The following SKAP2 variants were observed in gnomAD, a reference collection of about 807,000 sequenced individuals.
SKAP2 encodes the protein src kinase-associated phosphoprotein 2.
A neutral mutation model predicts 54.9 loss-of-function variants in SKAP2; 28 were observed. The ratio of observed to expected loss-of-function variants is 0.51; its 90% CI spans 0.38 to 0.70. The LOEUF is 0.70. Among genes scored for constraint, SKAP2 ranks in the 30% least tolerant of loss-of-function variants. The probability of loss-of-function intolerance (pLI) is 0.00; values close to 1 mark genes in which losing one functional copy is unlikely to be tolerated. For synonymous variants in SKAP2, 137 were observed against 134.3 expected, an observed-to-expected ratio of 1.02 and a Z score of -0.14; for missense variants, 356 against 424.1, an observed-to-expected ratio of 0.84 and a Z score of 1.41.
chr7:26,851,255 C>CA (rs35007326), intron 3 of SKAP2, among the ~76,000 whole-genome samples: 10,655 of 99,224 alleles, frequency 0.11, 514 homozygotes, highest in Middle Eastern at 0.22. Flanking sequence ...CCGTTTTTAC[C>CA]AAAAAAAAAA....
At chr7:26,792,694 G>A (rs1317025503) in intron 4 of SKAP2, among the ~76,000 whole-genome samples, 3 of 152,086 alleles carry the variant, frequency 2.0e-5, no homozygotes, top group Non-Finnish European at 4.4e-5. Flanking sequence ...AAGAGTGAGT[G>A]AGCTGTTCCA....
chr7:26,764,902 A>C (rs10276636), intron 4 of SKAP2, among the ~76,000 whole-genome samples: 57,988 of 152,076 alleles, frequency 0.38, 11,639 homozygotes, highest in Middle Eastern at 0.48. Context: ...TGGGTTGGTT[A>C]CAGCTCTTCC....
intron 4 of SKAP2, among the ~76,000 whole-genome samples, chr7:26,803,516 G>A (rs887253773): frequency 1.3e-5 from 2 of 152,188 alleles, no homozygotes; most frequent in Admixed American, 6.5e-5. Flanking sequence ...TATGCTATTG[G>A]TGGGAATGTA....
chr7:26,842,192 T>C (rs1038531369), intron 4 of SKAP2, among the ~76,000 whole-genome samples: 3 of 151,694 alleles, frequency 2.0e-5, no homozygotes, highest in Admixed American at 2.0e-4. Flanking sequence ...ATACTACAGG[T>C]AAAAGTTTTA....
At chr7:26,691,376 T>C (rs1786775936) in intron 9 of SKAP2, among the ~76,000 whole-genome samples, 1 of 152,160 alleles carries the variant, frequency 6.6e-6, no homozygotes, top group South Asian at 2.1e-4. Context: ...AGGCAGGACA[T>C]ATAAACAAAT....
intron 11 of SKAP2, among the ~76,000 whole-genome samples, chr7:26,682,388 C>T (rs1786522700): frequency 6.6e-6 from 1 of 152,048 alleles, no homozygotes; most frequent in South Asian, 2.1e-4. Context: ...CATCAATAGC[C>T]CAGAATATGT....
At chr7:26,687,970 A>G (rs1786685238) in intron 10 of SKAP2, among the ~76,000 whole-genome samples, 1 of 152,164 alleles carries the variant, frequency 6.6e-6, no homozygotes, top group Non-Finnish European at 1.5e-5. Flanking sequence ...TGTCCTGAGA[A>G]GCATGAATGA....
intron 4 of SKAP2, among the ~76,000 whole-genome samples, chr7:26,824,840 A>C (rs189148946): frequency 4.2e-4 from 64 of 152,284 alleles, no homozygotes; most frequent in African/African-American, 1.5e-3. Context: ...CCAACCCCTG[A>C]TCTAGACTGT....
chr7:26,862,746 T>C (rs1017368176), intron 1 of SKAP2, among the ~76,000 whole-genome samples: 12 of 152,110 alleles, frequency 7.9e-5, no homozygotes, highest in Admixed American at 7.2e-4. Context: ...TTATCTGTGA[T>C]TTATGATTAT....
chr7:26,755,931 C>T (rs1253269252), intron 4 of SKAP2, among the ~76,000 whole-genome samples: 1 of 152,086 alleles, frequency 6.6e-6, no homozygotes, highest in Non-Finnish European at 1.5e-5. Context: ...AGAATCTACC[C>T]TACAAATTAA....
At chr7:26,699,208 G>T (rs973136438) in intron 9 of SKAP2, among the ~76,000 whole-genome samples, 7 of 152,108 alleles carry the variant, frequency 4.6e-5, no homozygotes, top group African/African-American at 1.4e-4. Flanking sequence ...TATCAAAAAA[G>T]AATACCTACA....
chr7:26,701,928 T>C (rs1050314550), intron 9 of SKAP2, among the ~76,000 whole-genome samples: 5 of 152,130 alleles, frequency 3.3e-5, no homozygotes, highest in Non-Finnish European at 4.4e-5. Flanking sequence ...TTGCTTATTC[T>C]TTCCCTGAAT....
intron 4 of SKAP2, among the ~76,000 whole-genome samples, chr7:26,761,302 A>G (rs1287891170): frequency 6.6e-6 from 1 of 152,232 alleles, no homozygotes; most frequent in Non-Finnish European, 1.5e-5. Flanking sequence ...TTATTTAGGA[A>G]TAATAAATCT....
At chr7:26,817,966 T>C (rs568135011) in intron 4 of SKAP2, among the ~76,000 whole-genome samples, 2 of 152,274 alleles carry the variant, frequency 1.3e-5, no homozygotes, top group East Asian at 3.9e-4. Flanking sequence ...AAACATTCCA[T>C]GCTCATGGAT....
intron 11 of SKAP2, among the ~76,000 whole-genome samples, chr7:26,671,995 G>C (rs1413793311): frequency 6.6e-6 from 1 of 151,964 alleles, no homozygotes; most frequent in East Asian, 1.9e-4. Context: ...AATTAACAGG[G>C]TAGGTCTGAG....
intron 4 of SKAP2, among the ~76,000 whole-genome samples, chr7:26,796,543 A>T (rs1783783719): frequency 6.6e-6 from 1 of 152,238 alleles, no homozygotes; most frequent in Non-Finnish European, 1.5e-5. Context: ...AATTCATGAC[A>T]TTACAAGGAA....
At chr7:26,756,225 C>T (rs572170112) in intron 4 of SKAP2, among the ~76,000 whole-genome samples, 5 of 152,254 alleles carry the variant, frequency 3.3e-5, no homozygotes, top group South Asian at 2.1e-4. Context: ...AGGTGCACAA[C>T]GTGCAGGTTT....
At chr7:26,851,065 C>A (rs939374905) in intron 3 of SKAP2, among the ~76,000 whole-genome samples, 45 of 151,996 alleles carry the variant, frequency 3.0e-4, no homozygotes, top group African/African-American at 1.0e-3. Context: ...CCAAAAAAAT[C>A]TCCTAAGATC....
At chr7:26,805,427 G>C (rs557046469) in intron 4 of SKAP2, among the ~76,000 whole-genome samples, 1 of 152,068 alleles carries the variant, frequency 6.6e-6, no homozygotes, top group Non-Finnish European at 1.5e-5. Flanking sequence ...CTTGAATGGG[G>C]GTCAACTTCA....
Sources: allele counts gnomAD v4.1 joint callset (sites outside exome capture counted in the v4.1 genomes callset), GRCh38; gene constraint gnomAD v4.1.1; transcripts MANE v1.5; gene names NCBI Gene and HGNC (gene_info 2026-07-23, HGNC 2026-07-21).